The following BACH2 variants were observed in gnomAD, a reference collection of about 807,000 sequenced individuals.
BACH2 encodes transcription regulator protein BACH2.
A neutral mutation model predicts 61.8 loss-of-function variants in BACH2; 5 were observed. That is an observed-to-expected ratio of 0.08 (90% confidence interval 0.04 to 0.17). The LOEUF is 0.17. Ranked by LOEUF, BACH2 falls within the 10% of genes least tolerant of loss-of-function variation. The pLI, the probability that BACH2 is intolerant of heterozygous loss-of-function variation, is 1.00. For synonymous variants in BACH2, 446 were observed against 440.1 expected, an observed-to-expected ratio of 1.01 and a Z score of -0.17; for missense variants, 824 against 1,091.1, an observed-to-expected ratio of 0.76 and a Z score of 3.45.
Position 89,950,215 on chromosome 6 carries a change from C to T in BACH2, c.1836+55G>A, listed in dbSNP as rs958797707. The T allele has an allele frequency of 1.9e-6, 3 of 1,597,698 alleles. No individual in the cohort carries two copies. The highest frequency in any genetic ancestry group is 2.6e-6 in the Non-Finnish European group (3 of 1,165,658). ...GAGTGGTGGGGGGCAGGGAGTAGTCCAGATAAAGGGCCTAGAGAGTGGGTC... is the reference window on the plus strand; with the variant it reads ...GAGTGGTGGGGGGCAGGGAGTAGTCTAGATAAAGGGCCTAGAGAGTGGGTC... On this transcript the variant is annotated intron_variant, in intron 7 of 8. Coordinates refer to ENST00000257749, the MANE Select transcript of BACH2 (RefSeq NM_021813.4). The surrounding 1 kb of genome is among the most constrained non-coding windows in gnomAD (Gnocchi z 5.3).
chr6:90,006,610 CCTT>C (rs761778958), intron 6 of BACH2, among the ~76,000 whole-genome samples: 2 of 152,154 alleles, frequency 1.3e-5, no homozygotes, highest in East Asian at 3.9e-4. Context: ...CTTATGCAGT[CCTT>C]ATTTATTTAT....
At position 90,076,903 on chromosome 6, in the gene BACH2, T is replaced by C. The variant is rs185691689; in HGVS notation, c.-13+12058A>G. ...TTTCACACTCCAAATGTCAATCTTG[T>C]TGAAAATTCCCGTTTTCCGGAGGAT... On this transcript the variant is annotated intron_variant, in intron 5 of 8. Coordinates refer to ENST00000257749, the MANE Select transcript of BACH2 (RefSeq NM_021813.4). 1.5e-3 allele frequency among the ~76,000 whole-genome samples: 231 copies of C among 152,332 alleles called. 4 individuals are homozygous for C. Among genetic ancestry groups the C allele is most frequent in the South Asian group, 4.1e-3 (20 of 4,828 alleles).
At chr6:90,037,239 T>C (rs6932911) in intron 5 of BACH2, among the ~76,000 whole-genome samples, 14,450 of 152,172 alleles carry the variant, frequency 0.095, 931 homozygotes, top group Admixed American at 0.19. Context: ...CAGTGAAAAA[T>C]GGGGCTATGC....
intron 4 of BACH2, among the ~76,000 whole-genome samples, chr6:90,191,029 G>C (rs1273172474): frequency 6.6e-6 from 1 of 152,222 alleles, no homozygotes; most frequent in Non-Finnish European, 1.5e-5. Flanking sequence ...AGTGTTTCAA[G>C]AGGAGAGCTT....
chr6:90,098,607 C>T (rs1699910507), intron 4 of BACH2, among the ~76,000 whole-genome samples: 1 of 152,164 alleles, frequency 6.6e-6, no homozygotes, highest in South Asian at 2.1e-4. Flanking sequence ...CAAAACATTT[C>T]CACATGATAG....
At chr6:90,039,483 C>T (rs1039711870) in intron 5 of BACH2, among the ~76,000 whole-genome samples, 3 of 152,126 alleles carry the variant, frequency 2.0e-5, no homozygotes, top group Admixed American at 6.5e-5. Context: ...GTCCCAGGTT[C>T]AAGCGATTCT....
At position 90,003,732 on chromosome 6, in the gene BACH2, T is replaced by A. The variant is rs548118936; in HGVS notation, c.243+4870A>T. ...TTTCCCAGCCCCTCAAGGCTGATGA[T>A]CCTAGTTTAAAAAAATCTGCCCATT... is the stretch of plus-strand genomic sequence containing the variant. On this transcript the variant is annotated intron_variant, in intron 6 of 8. Coordinates refer to ENST00000257749, the MANE Select transcript of BACH2 (RefSeq NM_021813.4). 1.3e-3 allele frequency among the ~76,000 whole-genome samples: 202 copies of A among 152,290 alleles called. 1 individual carries two copies. The highest frequency in any genetic ancestry group is 4.5e-3 in the African/African-American group (185 of 41,560).
intron 5 of BACH2, among the ~76,000 whole-genome samples, chr6:90,009,428 A>T (rs1328605391): frequency 1.3e-5 from 2 of 152,254 alleles, no homozygotes; most frequent in Admixed American, 6.5e-5. Flanking sequence ...CAGTAGAGTC[A>T]GCTATTGCAT....
intron 1 of BACH2, among the ~76,000 whole-genome samples, chr6:90,275,986 G>T (rs1771678753): frequency 6.6e-6 from 1 of 151,376 alleles, no homozygotes; most frequent in Admixed American, 6.6e-5. Context: ...AAAAAAGAAA[G>T]AAATCATCAA....
At chr6:90,212,661 C>T (rs1264031087) in intron 3 of BACH2, among the ~76,000 whole-genome samples, 1 of 152,132 alleles carries the variant, frequency 6.6e-6, no homozygotes, top group East Asian at 1.9e-4. Flanking sequence ...CCTTCCTCCC[C>T]AAGGATAGGT....
Position 90,085,042 on chromosome 6 carries a change from C to CA in BACH2, c.-13+3918dup, listed in dbSNP as rs577328442. Among the ~76,000 whole-genome samples the CA allele has an allele frequency of 3.4e-4, 52 of 151,914 alleles. 1 individual carries two copies. The South Asian group carries it at 9.1e-3, about 27-fold the overall frequency. On this transcript the variant is annotated intron_variant, in intron 5 of 8. Coordinates refer to ENST00000257749, the MANE Select transcript of BACH2 (RefSeq NM_021813.4). ...GAAATGTAGAATAAAACACAAAAGC[C>CA]AAAAAAAGTAGGGTACAATGGACTA...
At chr6:90,181,979 G>A (rs2127841425) in intron 4 of BACH2, among the ~76,000 whole-genome samples, 1 of 152,172 alleles carries the variant, frequency 6.6e-6, no homozygotes, top group African/African-American at 2.4e-5. Flanking sequence ...CACTAGCCCT[G>A]CAATTGGCCT....
intron 1 of BACH2, among the ~76,000 whole-genome samples, chr6:90,273,084 G>A (rs1412723471): frequency 6.6e-6 from 1 of 152,142 alleles, no homozygotes; most frequent in Non-Finnish European, 1.5e-5. Context: ...ATGAAGGCCA[G>A]GTGCAGTGGC....
chr6:90,185,879 G>A (rs976038316), intron 4 of BACH2, among the ~76,000 whole-genome samples: 1 of 152,198 alleles, frequency 6.6e-6, no homozygotes, highest in African/African-American at 2.4e-5. Context: ...TAATTTTTAT[G>A]ATGATTACGC....
intron 6 of BACH2, among the ~76,000 whole-genome samples, chr6:89,972,082 CATAGCATGCAGTGTGG>C (rs1469477653): frequency 6.6e-6 from 1 of 152,170 alleles, no homozygotes; most frequent in African/African-American, 2.4e-5. Flanking sequence ...TAAGAGAGAA[CATAGCATGCAGTGTGG>C]TGTGGCAGGA....
chr6:89,940,761 A>C lies in BACH2; in HGVS notation c.1837-2411T>G, dbSNP rs867368970. On this transcript the variant is annotated intron_variant, in intron 7 of 8. Transcript: ENST00000257749. ...TAAAAGAAGTAAAAAGAAACAGGTG[A>C]AATGAGTTTGAATACTGTATGTTAT... Among the ~76,000 whole-genome samples the C allele has an allele frequency of 5.6e-4, 86 of 152,352 alleles. No homozygotes were observed. In the Middle Eastern group the frequency reaches 0.01, roughly 18 times the overall value.
chr6:90,275,227 T>C (rs1771653370), intron 1 of BACH2, among the ~76,000 whole-genome samples: 1 of 152,218 alleles, frequency 6.6e-6, no homozygotes, highest in South Asian at 2.1e-4. Context: ...AAACTTTGCT[T>C]TGTTCTACTT....
At chr6:90,073,999 G>A (rs189709635) in intron 5 of BACH2, among the ~76,000 whole-genome samples, 2 of 152,284 alleles carry the variant, frequency 1.3e-5, no homozygotes, top group East Asian at 3.9e-4. Context: ...AAGAGGTGCC[G>A]CATTTCCTGA....
intron 3 of BACH2, among the ~76,000 whole-genome samples, chr6:90,230,224 C>T (rs934248596): frequency 4.6e-5 from 7 of 152,150 alleles, no homozygotes; most frequent in South Asian, 2.1e-4. Context: ...TTTGTAAAAA[C>T]GGAGATAACT....
Sources: gnomAD v4.1 joint callset for allele counts (sites outside exome capture counted in the v4.1 genomes callset) on GRCh38, gnomAD v4.1.1 for gene constraint, Gnocchi (gnomAD v3.1) non-coding constraint, MANE v1.5 for transcripts, NCBI Gene and HGNC (gene_info 2026-07-23, HGNC 2026-07-21) for gene names.